The following DMRT1 variants were observed in gnomAD, a reference collection of about 807,000 sequenced individuals.
DMRT1 encodes the protein doublesex and mab-3 related transcription factor 1.
Under a neutral mutation model 32.3 loss-of-function variants are expected in DMRT1, and 7 were observed. That is an observed-to-expected ratio of 0.22 (90% confidence interval 0.12 to 0.41). The LOEUF (loss-of-function observed/expected upper bound fraction) is 0.41, where lower values mean the gene tolerates loss of function less well. DMRT1 is among the 10% of genes least tolerant of loss of function. DMRT1 has a pLI of 1.00. For missense variants in DMRT1, 625 were observed against 500.5 expected (o/e 1.25, Z -2.37); for synonymous variants, 278 against 206.1 (o/e 1.35, Z -2.99).
Position 893,994 on chromosome 9 carries a change from C to A in DMRT1, c.621C>A (p.Ser207=). The change falls in exon 3 of 5, where the codon TCC becomes TCA. Residue 207 remains serine (S), a synonymous_variant. Coordinates refer to ENST00000382276, the MANE Select transcript of DMRT1 (RefSeq NM_021951.3). ...VENTPDLVSD[S]TYYSSFYQPS... ...ACACACCTGACCTGGTTTCAGACTC[C>A]ACCTACTACAGCAGCTTCTACCAGC... 2 of 1,614,200 alleles carry A rather than the reference C, an allele frequency of 1.2e-6. No homozygotes were observed. The highest frequency in any genetic ancestry group is 1.1e-5 in the South Asian group (1 of 91,084).
In DMRT1 at chr9:860,779, G is replaced by C. The variant is rs149141086; in HGVS notation, c.538+13636G>C. ...CTCTAAGGAAGTTAAGTCAGAGCTA[G>C]TCCCAAATGACAGTGAGCCATTCTC... On this transcript the variant is annotated intron_variant, in intron 2 of 4. Coordinates refer to ENST00000382276, the MANE Select transcript of DMRT1 (RefSeq NM_021951.3). 2.4e-4 allele frequency among the ~76,000 whole-genome samples: 37 copies of C among 152,356 alleles called. No homozygotes were observed. In the East Asian group the frequency reaches 6.7e-3, roughly 28 times the overall value.
intron 4 of DMRT1, among the ~76,000 whole-genome samples, chr9:959,257 A>T (rs975221502): frequency 2.6e-5 from 4 of 152,220 alleles, no homozygotes. Context: ...TGTGTGGCCA[A>T]CCCAGTCATG....
chr9:881,118 ACCT>A (rs1564220024), intron 2 of DMRT1, among the ~76,000 whole-genome samples: 1 of 151,012 alleles, frequency 6.6e-6, no homozygotes, highest in East Asian at 1.9e-4. Context: ...GACCCCCCCC[ACCT>A]CCTCCTCCTG....
chr9:929,133 C>G (rs753761963), intron 4 of DMRT1, among the ~76,000 whole-genome samples: 16 of 152,164 alleles, frequency 1.1e-4, no homozygotes, highest in Non-Finnish European at 1.9e-4. Context: ...GCCACCACTC[C>G]CGGCTTAAAT....
intron 3 of DMRT1, among the ~76,000 whole-genome samples, chr9:911,884 C>T (rs1194590314): frequency 2.0e-5 from 3 of 152,106 alleles, no homozygotes; most frequent in Admixed American, 1.3e-4. Context: ...CAAGTTGTCA[C>T]GTGGATGGGT....
chr9:907,741 A>G (rs539376449), intron 3 of DMRT1, among the ~76,000 whole-genome samples: 21 of 152,298 alleles, frequency 1.4e-4, no homozygotes, highest in African/African-American at 3.1e-4. Flanking sequence ...TGTATATGCA[A>G]TGAATTCTTA....
At chr9:904,995 G>A (rs1338267746) in intron 3 of DMRT1, among the ~76,000 whole-genome samples, 2 of 151,858 alleles carry the variant, frequency 1.3e-5, no homozygotes, top group African/African-American at 4.8e-5. Flanking sequence ...TTCGATCAGA[G>A]CCCGGGGAGA....
In DMRT1 at chr9:841,940, G is replaced by C; in HGVS notation, c.102G>C (p.Ala34=). ...GCAGAGCCGGGGGCTTTGGCAAAGCGTCTGGGGCGCTAGTGGGGGCGGCCA... is the reference window on the plus strand; with the variant it reads ...GCAGAGCCGGGGGCTTTGGCAAAGCCTCTGGGGCGCTAGTGGGGGCGGCCA... The part of the protein sequence containing the change: ...PQGRAGGFGK[A]SGALVGAASG... The change falls in exon 1 of 5, where the codon GCG becomes GCC. Residue 34 remains alanine (A), a synonymous_variant. Coordinates refer to ENST00000382276, the MANE Select transcript of DMRT1 (RefSeq NM_021951.3). The C allele has an allele frequency of 6.2e-7, 1 of 1,603,186 alleles. No homozygotes were observed. Among genetic ancestry groups the C allele is most frequent in the Non-Finnish European group, 8.5e-7 (1 of 1,175,260 alleles).
intron 2 of DMRT1, among the ~76,000 whole-genome samples, chr9:849,927 G>A (rs1036146887): frequency 9.2e-5 from 14 of 152,096 alleles, no homozygotes; most frequent in African/African-American, 3.1e-4. Flanking sequence ...AGGTTCAAGC[G>A]ATACTCCTGC....
intron 1 of DMRT1, among the ~76,000 whole-genome samples, chr9:843,739 G>C (rs1272735079): frequency 1.3e-5 from 2 of 152,178 alleles, no homozygotes; most frequent in East Asian, 1.9e-4. Flanking sequence ...TGCTACTTTT[G>C]ATTAGGAACG....
chr9:879,129 C>A lies in DMRT1; in HGVS notation c.539-14783C>A, dbSNP rs528491626. On this transcript the variant is annotated intron_variant, in intron 2 of 4. Coordinates refer to ENST00000382276, the MANE Select transcript of DMRT1 (RefSeq NM_021951.3). ...CAGAATAAGATGCCAGGCTCTAATT[C>A]TCTCAAATCAGTCCCCCTAAAAAGA... Among the ~76,000 whole-genome samples the A allele has an allele frequency of 2.0e-5, 3 of 152,254 alleles. No homozygotes were observed. The East Asian group carries it at 5.8e-4, about 29-fold the overall frequency.
intron 3 of DMRT1, chr9:894,622 C>G (rs1325003496): frequency 6.8e-6 from 2 of 292,960 alleles, no homozygotes; most frequent in Non-Finnish European, 1.3e-5. Context: ...CTGGGTAAAG[C>G]CTTCTGGGTG....
chr9:913,224 CT>C (rs1818049789), intron 3 of DMRT1, among the ~76,000 whole-genome samples: 2 of 152,212 alleles, frequency 1.3e-5, no homozygotes, highest in Non-Finnish European at 2.9e-5. Context: ...AAGCATTTTC[CT>C]TGAAGAACTG....
chr9:940,813 A>C (rs904815838), intron 4 of DMRT1, among the ~76,000 whole-genome samples: 2 of 152,220 alleles, frequency 1.3e-5, no homozygotes, highest in African/African-American at 4.8e-5. Context: ...ATTAATATCC[A>C]AAATACACAG....
chr9:921,469 T>C (rs766750970), intron 4 of DMRT1, among the ~76,000 whole-genome samples: 2 of 152,192 alleles, frequency 1.3e-5, no homozygotes. Flanking sequence ...TACAAGTCTT[T>C]GTTTGAATGT....
At chr9:930,434 C>T (rs902066982) in intron 4 of DMRT1, among the ~76,000 whole-genome samples, 26 of 150,754 alleles carry the variant, frequency 1.7e-4, no homozygotes, top group Non-Finnish European at 2.5e-4. Flanking sequence ...TTTTTTGAGA[C>T]GGAGTTTCGC....
At chr9:886,007 T>G (rs937531904) in intron 2 of DMRT1, among the ~76,000 whole-genome samples, 1 of 152,182 alleles carries the variant, frequency 6.6e-6, no homozygotes, top group African/African-American at 2.4e-5. Context: ...TTTTGGCCAA[T>G]TATCATTCTA....
chr9:860,335 C>T (rs1018570), intron 2 of DMRT1, among the ~76,000 whole-genome samples: 78,175 of 151,650 alleles, frequency 0.52, 21,301 homozygotes, highest in African/African-American at 0.71. Context: ...ATAAAATACA[C>T]AAAATACAAA....
At chr9:931,518 G>C (rs1477595601) in intron 4 of DMRT1, among the ~76,000 whole-genome samples, 1 of 152,178 alleles carries the variant, frequency 6.6e-6, no homozygotes, top group East Asian at 1.9e-4. Flanking sequence ...CAGACTAGGT[G>C]GCCCAACAAC....
Sources: allele counts gnomAD v4.1 joint callset (sites outside exome capture counted in the v4.1 genomes callset), GRCh38; gene constraint gnomAD v4.1.1; transcripts MANE v1.5; gene names NCBI Gene and HGNC (gene_info 2026-07-23, HGNC 2026-07-21).